Variants in PINX1 observed in about 807,000 individuals in gnomAD.
PINX1 encodes the protein PIN2 (TERF1) interacting telomerase inhibitor 1.
Under a neutral mutation model 25.4 loss-of-function variants are expected in PINX1, and 34 were observed. The observed-to-expected ratio is 1.34, with a 90% CI of 1.02 to 1.78. The LOEUF (loss-of-function observed/expected upper bound fraction) is 1.78, where lower values mean the gene tolerates loss of function less well. Ranked by LOEUF, PINX1 falls within the 40% of genes most tolerant of loss-of-function variation. The pLI is 0.00. For missense variants in PINX1, 592 were observed against 404.9 expected, an observed-to-expected ratio of 1.46 and a Z score of -3.97; for synonymous variants, 197 against 147.7, an observed-to-expected ratio of 1.33 and a Z score of -2.42.
intron 5 of PINX1, among the ~76,000 whole-genome samples, chr8:10,824,894 C>A (rs1797989634): frequency 1.3e-5 from 2 of 152,164 alleles, no homozygotes; most frequent in South Asian, 4.1e-4. Flanking sequence ...TGAGCATGTA[C>A]CCTCTCTTCA....
intron 5 of PINX1, among the ~76,000 whole-genome samples, chr8:10,821,041 C>G (rs1313891536): frequency 6.6e-6 from 1 of 152,248 alleles, no homozygotes; most frequent in Non-Finnish European, 1.5e-5. Context: ...CCTCTGTGAG[C>G]AGTAGGCCAA....
intron 6 of PINX1, 146 bp from the exon 7 acceptor site, chr8:10,766,062 A>G (rs1000835888): frequency 2.7e-6 from 2 of 753,528 alleles, no homozygotes; most frequent in Admixed American, 4.8e-5. Context: ...CTTAGGAGAC[A>G]AGGCTGAGTG....
At chr8:10,804,456 A>C (rs1483395753) in intron 6 of PINX1, among the ~76,000 whole-genome samples, 4 of 152,164 alleles carry the variant, frequency 2.6e-5, no homozygotes, top group African/African-American at 9.7e-5. Flanking sequence ...GAAGCAGATT[A>C]GCGTGAGCTG....
intron 6 of PINX1, among the ~76,000 whole-genome samples, chr8:10,794,571 C>A (rs372152868): frequency 6.6e-6 from 1 of 151,964 alleles, no homozygotes; most frequent in Non-Finnish European, 1.5e-5. Context: ...GGATTACAGG[C>A]GCCTGCCACC....
chr8:10,786,032 G>C (rs1801737923), intron 6 of PINX1, among the ~76,000 whole-genome samples: 1 of 152,206 alleles, frequency 6.6e-6, no homozygotes, highest in African/African-American at 2.4e-5. Flanking sequence ...GAGTAAAAGG[G>C]AGGCAGTCAC....
chr8:10,797,335 A>G (rs746982838), intron 6 of PINX1, among the ~76,000 whole-genome samples: 1 of 152,220 alleles, frequency 6.6e-6, no homozygotes, highest in Non-Finnish European at 1.5e-5. Context: ...TACTGTTGTT[A>G]GTAAGCCACT....
chr8:10,792,790 T>G (rs978766500), intron 6 of PINX1, among the ~76,000 whole-genome samples: 8 of 152,318 alleles, frequency 5.3e-5, no homozygotes, highest in Middle Eastern at 6.8e-3. Flanking sequence ...GCAGTCTACA[T>G]TGTATTCCTC....
intron 5 of PINX1, among the ~76,000 whole-genome samples, chr8:10,822,802 G>A (rs915189549): frequency 6.6e-6 from 1 of 152,170 alleles, no homozygotes; most frequent in African/African-American, 2.4e-5. Context: ...TGGAAAAGCA[G>A]AGTTGAGCTG....
Position 10,765,664 on chromosome 8 carries a change from T to G in PINX1, c.724A>C (p.Arg242=). The G allele has an allele frequency of 6.2e-7, 1 of 1,614,016 alleles. No individual in the cohort carries two copies. Among genetic ancestry groups the G allele is most frequent in the South Asian group, 1.1e-5 (1 of 91,086 alleles). The change falls in exon 7 of 7, where the codon AGG becomes CGG. Residue 242 remains arginine, a synonymous_variant. Coordinates refer to ENST00000314787, the MANE Select transcript of PINX1 (RefSeq NM_017884.6). ...GCCACTCGCTCCTGGGCCTCGGCCC[T>G]CTCGGGCTTTCCCTCCGTGTGCCTC... ...AKRHTEGKPE[R]AEAQERVAKK... is the part of the protein sequence containing the mutation.
chr8:10,808,905 G>GA (rs1439185053), intron 6 of PINX1, among the ~76,000 whole-genome samples: 4 of 151,770 alleles, frequency 2.6e-5, no homozygotes, highest in South Asian at 4.2e-4. Context: ...GGAAAAGTTG[G>GA]AAAAAAAACT....
intron 6 of PINX1, among the ~76,000 whole-genome samples, chr8:10,777,102 C>T (rs1284463386): frequency 2.0e-5 from 3 of 152,230 alleles, no homozygotes; most frequent in African/African-American, 4.8e-5. Context: ...TCAGGCCGAA[C>T]GTGTCCTGGT....
chr8:10,767,318 A>G (rs1041947812), intron 6 of PINX1, among the ~76,000 whole-genome samples: 5 of 152,312 alleles, frequency 3.3e-5, no homozygotes, highest in African/African-American at 1.2e-4. Flanking sequence ...TCCCAGTTGC[A>G]GTTCCAGCAG....
intron 6 of PINX1, among the ~76,000 whole-genome samples, chr8:10,796,254 A>G (rs888726160): frequency 6.6e-6 from 1 of 152,184 alleles, no homozygotes; most frequent in African/African-American, 2.4e-5. Context: ...AGCTTGGGGG[A>G]AAAGAACTTC....
intron 4 of PINX1, among the ~76,000 whole-genome samples, chr8:10,827,293 C>T (rs1798082393): frequency 6.6e-6 from 1 of 152,154 alleles, no homozygotes; most frequent in Admixed American, 6.5e-5. Flanking sequence ...TAGCTCCAAG[C>T]CACCTTTTCA....
intron 6 of PINX1, among the ~76,000 whole-genome samples, chr8:10,798,604 G>A (rs1423823300): frequency 6.6e-6 from 1 of 152,184 alleles, no homozygotes; most frequent in Non-Finnish European, 1.5e-5. Context: ...CTGCACCGAT[G>A]GCCGTTTAGG....
chr8:10,780,892 C>T (rs1459855837), intron 6 of PINX1, among the ~76,000 whole-genome samples: 1 of 152,112 alleles, frequency 6.6e-6, no homozygotes, highest in Non-Finnish European at 1.5e-5. Flanking sequence ...CCTCGAATAA[C>T]TGAAGTAATT....
intron 6 of PINX1, among the ~76,000 whole-genome samples, chr8:10,773,511 C>T (rs1801295059): frequency 6.6e-6 from 1 of 152,230 alleles, no homozygotes; most frequent in Admixed American, 6.5e-5. Context: ...AAGTTACAAA[C>T]TCAGACACAC....
At chr8:10,807,787 G>A (rs1356028726) in intron 6 of PINX1, among the ~76,000 whole-genome samples, 5 of 152,204 alleles carry the variant, frequency 3.3e-5, no homozygotes, top group Non-Finnish European at 7.3e-5. Flanking sequence ...TCAGAAAGCT[G>A]TGGAAGATGA....
rs1463741418 is a variant in PINX1 at position 10,765,112 on chromosome 8, A to T, written c.*289T>A. On this transcript the variant is annotated 3_prime_UTR_variant, in exon 7 of 7. Coordinates refer to ENST00000314787, the MANE Select transcript of PINX1 (RefSeq NM_017884.6). ...CACACACGTGTGCACACTTACATGA[A>T]TGCATGTATTTGTAATGATTATAAT... 5.2e-6 allele frequency: 2 copies of T among 387,560 alleles called. No homozygotes were observed. The highest frequency in any genetic ancestry group is 4.1e-5 in the African/African-American group (2 of 49,120). 24.0% of individuals were successfully genotyped at this position (387,560 alleles called of 1,614,324 possible). A position where few individuals can be genotyped will look rare whatever the true frequency, so the allele number is the denominator to read the frequency against.
Sources: gnomAD v4.1 joint callset for allele counts (sites outside exome capture counted in the v4.1 genomes callset) on GRCh38, gnomAD v4.1.1 for gene constraint, MANE v1.5 for transcripts, NCBI Gene and HGNC (gene_info 2026-07-23, HGNC 2026-07-21) for gene names.